Variants in SHC4 observed in about 807,000 individuals in gnomAD.
SHC4 encodes SHC adaptor protein 4.
SHC4 carries 41 observed loss-of-function variants against 69.4 expected under a neutral mutation model. The observed-to-expected ratio is 0.59, with a 90% CI of 0.46 to 0.77. The LOEUF (loss-of-function observed/expected upper bound fraction) is 0.77. Among genes scored for constraint, SHC4 ranks in the 30% least tolerant of loss-of-function variants. The pLI is 0.00. For missense variants in SHC4, 777 were observed against 783.8 expected (o/e 0.99, Z 0.10); for synonymous variants, 318 against 299.3 (o/e 1.06, Z -0.64).
rs147896634 is a variant in SHC4 at position 48,830,288 on chromosome 15, C to G, written c.1738-4162G>C. Reference sequence around the variant, plus strand: ...CTCTTTTAAACTGATAACACCTTAACTTCAATCACATACAAATACTCTACA... The same window carrying G: ...CTCTTTTAAACTGATAACACCTTAAGTTCAATCACATACAAATACTCTACA... On this transcript the variant is annotated intron_variant, in intron 11 of 11. Transcript: ENST00000332408. 2.4e-3 allele frequency among the ~76,000 whole-genome samples: 362 copies of G among 152,294 alleles called. 1 individual carries two copies. Among genetic ancestry groups the G allele is most frequent in the African/African-American group, 8.4e-3 (349 of 41,574 alleles).
intron 3 of SHC4, 64 bp from the exon 4 acceptor site, chr15:48,884,431 T>A: frequency 7.0e-7 from 1 of 1,418,988 alleles, no homozygotes; most frequent in Non-Finnish European, 9.4e-7. Context: ...TAAATGTTAA[T>A]GTTTTTTAAA....
intron 5 of SHC4, among the ~76,000 whole-genome samples, chr15:48,870,655 T>A (rs546856172): frequency 6.6e-6 from 1 of 151,044 alleles, no homozygotes; most frequent in South Asian, 2.1e-4. Flanking sequence ...CCAGCCTGAG[T>A]GACAAGAGTG....
intron 11 of SHC4, among the ~76,000 whole-genome samples, chr15:48,830,101 T>C (rs558172811): frequency 6.6e-6 from 1 of 152,248 alleles, no homozygotes; most frequent in Non-Finnish European, 1.5e-5. Flanking sequence ...TCTTAAAGCT[T>C]TTTTTGGTCC....
At chr15:48,865,636 A>T (rs1463751550) in intron 6 of SHC4, among the ~76,000 whole-genome samples, 2 of 152,224 alleles carry the variant, frequency 1.3e-5, no homozygotes, top group Non-Finnish European at 2.9e-5. Context: ...ATTCCAACCC[A>T]GTCTTTCTGA....
chr15:48,900,840 A>G (rs1900308120), intron 2 of SHC4, among the ~76,000 whole-genome samples: 2 of 152,292 alleles, frequency 1.3e-5, no homozygotes, highest in South Asian at 4.1e-4. Flanking sequence ...TGGGGGTCAG[A>G]AGTTTTAAGA....
intron 2 of SHC4, among the ~76,000 whole-genome samples, chr15:48,907,539 T>C (rs1042173205): frequency 1.2e-4 from 19 of 152,052 alleles, no homozygotes; most frequent in Non-Finnish European, 2.2e-4. Flanking sequence ...ACCATACTTA[T>C]AGTCTTCTAT....
At chr15:48,877,912 A>T in intron 4 of SHC4, 1 of 389,492 alleles carries the variant, frequency 2.6e-6, no homozygotes, top group Non-Finnish European at 4.6e-6. Context: ...AGTAACACAG[A>T]AACTGTTACG....
intron 6 of SHC4, among the ~76,000 whole-genome samples, chr15:48,864,056 A>G (rs1899505357): frequency 6.6e-6 from 1 of 151,842 alleles, no homozygotes; most frequent in Non-Finnish European, 1.5e-5. Flanking sequence ...TTCTTTGCCT[A>G]TTTTTTTTAT....
chr15:48,951,627 C>T (rs1237007882), intron 1 of SHC4, among the ~76,000 whole-genome samples: 2 of 152,148 alleles, frequency 1.3e-5, no homozygotes, highest in Non-Finnish European at 2.9e-5. Context: ...TTACTGCTCC[C>T]CAAATACATC....
chr15:48,872,573 T>A (rs553843321), intron 4 of SHC4, among the ~76,000 whole-genome samples: 41 of 152,202 alleles, frequency 2.7e-4, no homozygotes, highest in Non-Finnish European at 5.0e-4. Context: ...CTGATGAAAA[T>A]CGGAACTGAG....
At chr15:48,938,841 G>A (rs1901122213) in intron 1 of SHC4, among the ~76,000 whole-genome samples, 1 of 152,194 alleles carries the variant, frequency 6.6e-6, no homozygotes, top group South Asian at 2.1e-4. Flanking sequence ...AGGGGAGAAG[G>A]AATATGGCAT....
intron 6 of SHC4, among the ~76,000 whole-genome samples, chr15:48,865,848 C>T (rs1899549223): frequency 1.3e-5 from 2 of 152,212 alleles, no homozygotes; most frequent in Admixed American, 1.3e-4. Context: ...ATGACTCAGG[C>T]ACCAGAACAG....
At chr15:48,923,561 C>A (rs11070661) in intron 2 of SHC4, among the ~76,000 whole-genome samples, 1,212 of 103,900 alleles carry the variant, frequency 0.012, 19 homozygotes, top group African/African-American at 0.043. Flanking sequence ...AAAAAAAAAA[C>A]AAAAAAGAAA....
chr15:48,877,608 A>T (rs1257528786), intron 4 of SHC4: 1 of 971,358 alleles, frequency 1.0e-6, no homozygotes, highest in African/African-American at 1.8e-5. Flanking sequence ...AGGCGAAAAG[A>T]AATGGGACCA....
intron 1 of SHC4, among the ~76,000 whole-genome samples, chr15:48,926,265 A>G: frequency 6.6e-6 from 1 of 152,144 alleles, no homozygotes; most frequent in East Asian, 1.9e-4. Context: ...GAATTGCCTT[A>G]GAAATGTTAC....
intron 9 of SHC4, among the ~76,000 whole-genome samples, chr15:48,846,474 CCTTTA>C (rs2140975583): frequency 6.6e-6 from 1 of 152,282 alleles, no homozygotes; most frequent in South Asian, 2.1e-4. Flanking sequence ...TGCTCCCCCT[CCTTTA>C]CTTTACTTAA....
intron 1 of SHC4, among the ~76,000 whole-genome samples, chr15:48,925,724 C>T (rs779325088): frequency 4.6e-5 from 7 of 151,984 alleles, no homozygotes; most frequent in Admixed American, 2.0e-4. Context: ...AGGCGTGATG[C>T]GATTAGATCT....
chr15:48,963,231 T>C lies in SHC4; in HGVS notation c.-216A>G. On this transcript the variant is annotated 5_prime_UTR_variant, in exon 1 of 12. Transcript: ENST00000332408. ...CCCTGCTCTGATTTCAGTCTCTCCC[T>C]GGCCCAGGCAGAGGCACCAGTGTTC... The C allele has an allele frequency of 2.0e-6, 1 of 512,474 alleles. No homozygotes were observed. Among genetic ancestry groups the C allele is most frequent in the Non-Finnish European group, 3.4e-6 (1 of 294,466 alleles). The allele number at this position is 512,474 out of a possible 1,614,324, so 31.7% of individuals were successfully genotyped here.
At chr15:48,835,073 CCATT>C in intron 10 of SHC4, 51 bp from the exon 11 acceptor site, 2 of 1,544,898 alleles carry the variant, frequency 1.3e-6, no homozygotes, top group Non-Finnish European at 1.7e-6. Flanking sequence ...CTTCATCCAT[CCATT>C]CATTCATTTA....
Sources: gnomAD v4.1 joint callset for allele counts (sites outside exome capture counted in the v4.1 genomes callset) on GRCh38, gnomAD v4.1.1 for gene constraint, MANE v1.5 for transcripts, NCBI Gene and HGNC (gene_info 2026-07-23, HGNC 2026-07-21) for gene names.